The following LEKR1 variants were observed in gnomAD, a reference collection of about 807,000 sequenced individuals.
LEKR1 encodes the protein protein LEKR1.
In LEKR1, 59 loss-of-function variants were observed where a neutral mutation model predicts 72.4. The observed-to-expected ratio is 0.82, with a 90% CI of 0.66 to 1.01. LEKR1 has a LOEUF of 1.01. Ranked by LOEUF, LEKR1 falls within the 50% of genes least tolerant of loss-of-function variation. The pLI, the probability that LEKR1 is intolerant of heterozygous loss-of-function variation, is 0.00. For synonymous variants in LEKR1, 257 were observed against 263.2 expected (o/e 0.98, Z 0.23); for missense variants, 728 against 759.2 (o/e 0.96, Z 0.48).
At chr3:156,927,069 A>G (rs934434479) in intron 4 of LEKR1, among the ~76,000 whole-genome samples, 3 of 151,976 alleles carry the variant, frequency 2.0e-5, no homozygotes, top group Non-Finnish European at 4.4e-5. Context: ...ATAAGACTTT[A>G]AGATTGTCAT....
intron 10 of LEKR1, among the ~76,000 whole-genome samples, chr3:157,012,506 A>G (rs1355021167): frequency 6.6e-6 from 1 of 152,120 alleles, no homozygotes; most frequent in African/African-American, 2.4e-5. Context: ...TCACTCTGCC[A>G]TCCAGCATAC....
intron 9 of LEKR1, among the ~76,000 whole-genome samples, chr3:157,006,299 C>T (rs1198570385): frequency 6.6e-6 from 1 of 152,196 alleles, no homozygotes; most frequent in Non-Finnish European, 1.5e-5. Context: ...GCCACCGCGC[C>T]CGGCCACTAC....
chr3:156,830,657 G>A (rs1013602634), intron 2 of LEKR1, among the ~76,000 whole-genome samples: 1 of 152,152 alleles, frequency 6.6e-6, no homozygotes, highest in African/African-American at 2.4e-5. Context: ...AGGCATACCT[G>A]TAGACTCTAA....
At position 157,028,280 on chromosome 3, in the gene LEKR1, G is replaced by A. The variant is rs763997695; in HGVS notation, c.1546G>A (p.Asp516Asn). ...EFESRLKKEI[D>N]SNDSVSENLR... ...TGAATCTCGCTTGAAGAAGGAAATT[G>A]ACAGTAATGATTCAGTTTCAGAAAA... The change falls in exon 12 of 13, where the codon GAC (aspartate) becomes AAC (asparagine). Residue 516 changes from aspartate to asparagine, a missense_variant. Asp to Asn is a conservative substitution (Grantham distance 23, BLOSUM62 1). Transcript: ENST00000356539. The A allele has an allele frequency of 5.6e-6, 9 of 1,613,602 alleles. No homozygotes were observed. The Middle Eastern group carries it at 6.6e-4, about 118-fold the overall frequency.
At chr3:156,870,989 G>T (rs1717865989) in intron 3 of LEKR1, among the ~76,000 whole-genome samples, 1 of 151,534 alleles carries the variant, frequency 6.6e-6, no homozygotes, top group South Asian at 2.1e-4. Flanking sequence ...AAGTTTTAGG[G>T]TACATGTGCA....
chr3:156,973,553 G>GA (rs1729430187), intron 6 of LEKR1, among the ~76,000 whole-genome samples: 1 of 152,086 alleles, frequency 6.6e-6, no homozygotes, highest in Non-Finnish European at 1.5e-5. Flanking sequence ...CCAAGAGAGA[G>GA]AAAATAACTG....
At chr3:157,038,253 T>C (rs560993146) in intron 12 of LEKR1, among the ~76,000 whole-genome samples, 2 of 152,166 alleles carry the variant, frequency 1.3e-5, no homozygotes, top group East Asian at 1.9e-4. Context: ...TATGAAAGCA[T>C]AAAAAGGAGT....
chr3:156,972,109 A>C (rs1170169643), intron 6 of LEKR1, among the ~76,000 whole-genome samples: 1 of 152,226 alleles, frequency 6.6e-6, no homozygotes. Flanking sequence ...CAACTATTAT[A>C]GACTGGATTA....
intron 6 of LEKR1, among the ~76,000 whole-genome samples, chr3:156,943,071 G>T (rs1726370920): frequency 6.6e-6 from 1 of 151,912 alleles, no homozygotes; most frequent in Non-Finnish European, 1.5e-5. Flanking sequence ...TTTTCCAAAT[G>T]AAAAAATTTA....
chr3:157,030,718 A>G (rs1405804869), intron 12 of LEKR1, among the ~76,000 whole-genome samples: 1 of 152,160 alleles, frequency 6.6e-6, no homozygotes, highest in Admixed American at 6.5e-5. Context: ...AAGTTCTCTC[A>G]TGAGGTTGGT....
chr3:156,936,465 A>C (rs572367404), intron 5 of LEKR1, among the ~76,000 whole-genome samples: 35 of 133,412 alleles, frequency 2.6e-4, no homozygotes, highest in East Asian at 1.2e-3. Context: ...ACACACACAC[A>C]CCCCCCGTAT....
Position 157,031,986 on chromosome 3 carries a change from G to GA in LEKR1, c.1668+3588dup, listed in dbSNP as rs1442372049. Among the ~76,000 whole-genome samples, 3 of 151,676 alleles carry GA rather than the reference G, an allele frequency of 2.0e-5. No homozygotes were observed. In the East Asian group the frequency reaches 5.8e-4, roughly 29 times the overall value. ...TGCAGGTCAATAAAAAGAGAAAATG[G>GA]AAAATAAAACTGTGCTAGAAATGTA... On this transcript the variant is annotated intron_variant, in intron 12 of 12. Coordinates refer to ENST00000356539, the MANE Select transcript of LEKR1 (RefSeq NM_001004316.3).
chr3:156,946,350 T>C (rs933496844), intron 6 of LEKR1, among the ~76,000 whole-genome samples: 2 of 151,578 alleles, frequency 1.3e-5, no homozygotes, highest in South Asian at 2.1e-4. Context: ...ATGGAGTCTT[T>C]AGGTTTTTCT....
At chr3:156,861,033 C>G (rs1241678176) in intron 3 of LEKR1, among the ~76,000 whole-genome samples, 2 of 152,136 alleles carry the variant, frequency 1.3e-5, no homozygotes, top group Non-Finnish European at 2.9e-5. Flanking sequence ...TTGGTCATGA[C>G]TGCAGAGGAG....
intron 6 of LEKR1, among the ~76,000 whole-genome samples, chr3:156,958,519 TCCC>T (rs1263905916): frequency 1.3e-5 from 2 of 152,222 alleles, no homozygotes; most frequent in African/African-American, 4.8e-5. Flanking sequence ...GCCCCTTTGC[TCCC>T]TTCCTACCAC....
Position 157,011,456 on chromosome 3 carries a change from C to A in LEKR1, c.1153C>A (p.Gln385Lys). 6.2e-7 allele frequency: 1 copy of A among 1,613,176 alleles called. No individual in the cohort carries two copies. The change falls in exon 10 of 13, where the codon CAA becomes AAA. Residue 385 changes from glutamine (Q) to lysine (K), a missense_variant. By Grantham distance (53) the Gln-to-Lys change is moderately conservative (BLOSUM62 1). Transcript: ENST00000356539. ...ISHQKSIEQL[Q>K]ETLRQKLLSD... is the part of the protein sequence containing the mutation. ...ACATCAGAAAAGCATCGAGCAGCTG[C>A]AAGAAACCCTTAGACAGAAGCTGCT...
chr3:156,979,817 A>T (rs995741308), intron 7 of LEKR1: 5 of 152,272 alleles, frequency 3.3e-5, no homozygotes, highest in African/African-American at 9.6e-5. Flanking sequence ...ATTAATTTTC[A>T]GCCTGGGCAA....
intron 6 of LEKR1, among the ~76,000 whole-genome samples, chr3:156,951,746 C>T (rs1297953195): frequency 2.0e-5 from 3 of 151,414 alleles, no homozygotes; most frequent in African/African-American, 7.3e-5. Flanking sequence ...TGGATCTTCT[C>T]TCTTCCTTAT....
chr3:156,848,854 G>A (rs895339275), intron 2 of LEKR1, among the ~76,000 whole-genome samples: 6 of 152,002 alleles, frequency 3.9e-5, no homozygotes, highest in Admixed American at 3.9e-4. Context: ...ATAACCAAAG[G>A]CAATAACTAT....
Sources: allele counts gnomAD v4.1 joint callset (sites outside exome capture counted in the v4.1 genomes callset), GRCh38; gene constraint gnomAD v4.1.1; transcripts MANE v1.5; gene names NCBI Gene and HGNC (gene_info 2026-07-23, HGNC 2026-07-21).